Variants in PCDHA10 observed in about 807,000 individuals in gnomAD.
The protein encoded by PCDHA10 is protocadherin alpha 10.
In PCDHA10, 45 loss-of-function variants were observed where a neutral mutation model predicts 61.2. The ratio of observed to expected loss-of-function variants is 0.74; its 90% confidence interval spans 0.58 to 0.94. PCDHA10 has a LOEUF of 0.94. Ranked by LOEUF, PCDHA10 falls within the 40% of genes least tolerant of loss-of-function variation. The pLI, the probability that PCDHA10 is intolerant of heterozygous loss-of-function variation, is 0.00. For missense variants in PCDHA10, 1,278 were observed against 1,236.2 expected (o/e 1.03, Z -0.51); for synonymous variants, 602 against 548.8 (o/e 1.10, Z -1.35).
chr5:140,901,139 A>G (rs1186725760), intron 1 of PCDHA10, among the ~76,000 whole-genome samples: 1 of 151,726 alleles, frequency 6.6e-6, no homozygotes, highest in Non-Finnish European at 1.5e-5. Context: ...GATTGTAAAT[A>G]TTTTCTCTCA....
chr5:140,860,028 C>A (rs2046140974), intron 1 of PCDHA10: 1 of 151,914 alleles, frequency 6.6e-6, no homozygotes, highest in South Asian at 2.1e-4. Context: ...GTGGCTCACA[C>A]CTGTAATCCC....
At chr5:141,005,311 A>C (rs2098206135) in intron 3 of PCDHA10, among the ~76,000 whole-genome samples, 6 of 152,310 alleles carry the variant, frequency 3.9e-5, no homozygotes, top group Middle Eastern at 6.8e-3. Flanking sequence ...TGAATCTTAC[A>C]GTGGTAGAGA....
Position 140,938,107 on chromosome 5 carries a change from T to C in PCDHA10, c.2389-40842T>C, listed in dbSNP as rs73266057. On this transcript the variant is annotated intron_variant, in intron 1 of 3. Coordinates refer to ENST00000307360, the MANE Select transcript of PCDHA10 (RefSeq NM_018901.4). ...TAGTTTTATTATTGTATTTTTTACT[T>C]TCTCTCTTTTTTTAAAAAAATAGAG... is the stretch of plus-strand genomic sequence containing the variant. 3.3e-3 allele frequency among the ~76,000 whole-genome samples: 502 copies of C among 152,318 alleles called. 3 individuals carry two copies. Among genetic ancestry groups the C allele is most frequent in the African/African-American group, 0.012 (483 of 41,576 alleles).
chr5:140,869,973 C>G, intron 1 of PCDHA10: 2 of 1,613,100 alleles, frequency 1.2e-6, no homozygotes, highest in African/African-American at 1.3e-5. Flanking sequence ...ATGGAAGACA[C>G]TTATTTACAC....
intron 3 of PCDHA10, among the ~76,000 whole-genome samples, chr5:141,002,660 T>C (rs1366913026): frequency 1.3e-5 from 2 of 152,170 alleles, no homozygotes; most frequent in Admixed American, 1.3e-4. Context: ...AGGGCTCTTG[T>C]CAGGACCAAA....
At chr5:140,946,871 A>G (rs952595827) in intron 1 of PCDHA10, among the ~76,000 whole-genome samples, 8 of 151,442 alleles carry the variant, frequency 5.3e-5, no homozygotes, top group Non-Finnish European at 8.9e-5. Flanking sequence ...AGGTTGGTCA[A>G]TGGGTACGAA....
At chr5:140,975,068 C>G (rs1273763502) in intron 1 of PCDHA10, among the ~76,000 whole-genome samples, 2 of 152,134 alleles carry the variant, frequency 1.3e-5, no homozygotes, top group Non-Finnish European at 2.9e-5. Context: ...CGAGCTCATT[C>G]AGATTGTTGG....
At chr5:140,882,279 C>A (rs1456228410) in intron 1 of PCDHA10, 1 of 1,612,386 alleles carries the variant, frequency 6.2e-7, no homozygotes, top group Non-Finnish European at 8.5e-7. Context: ...ATGCTGTCTT[C>A]CTGGCAAGGA....
chr5:140,970,270 T>C (rs2096394574), intron 1 of PCDHA10, among the ~76,000 whole-genome samples: 1 of 152,234 alleles, frequency 6.6e-6, no homozygotes, highest in Non-Finnish European at 1.5e-5. Context: ...TTTGATGAGA[T>C]GTAAAGTAGC....
At chr5:140,876,793 G>A (rs782321220) in intron 1 of PCDHA10, 2 of 1,614,240 alleles carry the variant, frequency 1.2e-6, no homozygotes, top group Non-Finnish European at 1.7e-6. Context: ...CACGGCTAGA[G>A]TGTCCGTGGA....
intron 1 of PCDHA10, among the ~76,000 whole-genome samples, chr5:140,885,718 C>T (rs2060696401): frequency 6.6e-6 from 1 of 152,124 alleles, no homozygotes; most frequent in South Asian, 2.1e-4. Flanking sequence ...CTAATGTGAT[C>T]TCTGTGAAAT....
chr5:140,876,653 C>T (rs781890773), intron 1 of PCDHA10: 8 of 1,614,082 alleles, frequency 5.0e-6, no homozygotes, highest in Non-Finnish European at 6.8e-6. Context: ...CCTCATGTTC[C>T]CTTCAAGCTG....
At chr5:140,920,474 GT>G (rs1407391996) in intron 1 of PCDHA10, among the ~76,000 whole-genome samples, 1 of 152,008 alleles carries the variant, frequency 6.6e-6, no homozygotes, top group Non-Finnish European at 1.5e-5. Flanking sequence ...ATTTCTGTAT[GT>G]TTTTGGTCCA....
chr5:140,899,848 C>T (rs2067590475), intron 1 of PCDHA10, among the ~76,000 whole-genome samples: 1 of 152,178 alleles, frequency 6.6e-6, no homozygotes, highest in Non-Finnish European at 1.5e-5. Flanking sequence ...TGCTGTGTCA[C>T]CCAGGCTGGA....
In PCDHA10 at chr5:140,989,027, CATT is replaced by C. The variant is rs1413017003; in HGVS notation, c.2536+6465_2536+6467del. The C allele has an allele frequency of 1.4e-4, 22 of 152,178 alleles. 1 individual carries two copies. The highest frequency in any genetic ancestry group is 1.4e-3 in the Admixed American group (22 of 15,274). The allele number at this position is 152,178 out of a possible 1,614,324, so 9.4% of individuals were successfully genotyped here. A position where few individuals can be genotyped will look rare whatever the true frequency, so the allele number is the denominator to read the frequency against. ...GACTTATTATAGTTTCTTCAGTTAT[CATT>C]GATTCCTTTAATATGCCAGCTACAT... On this transcript the variant is annotated intron_variant, in intron 3 of 3. Transcript: ENST00000307360.
chr5:140,967,665 C>A, intron 1 of PCDHA10: 1 of 1,614,154 alleles, frequency 6.2e-7, no homozygotes, highest in Non-Finnish European at 8.5e-7. Context: ...AGCAGCTACA[C>A]GTCGGACCGG....
chr5:140,967,903 A>G, intron 1 of PCDHA10: 1 of 1,614,112 alleles, frequency 6.2e-7, no homozygotes, highest in African/African-American at 1.3e-5. Context: ...AGAATGCTAC[A>G]CCCAACACCA....
intron 1 of PCDHA10, among the ~76,000 whole-genome samples, chr5:140,879,606 G>A (rs1554170878): frequency 6.6e-6 from 1 of 152,196 alleles, no homozygotes; most frequent in Non-Finnish European, 1.5e-5. Context: ...AAAACAATGT[G>A]TCCAGGTACT....
chr5:140,862,881 T>C, intron 1 of PCDHA10: 3 of 564,618 alleles, frequency 5.3e-6, no homozygotes, highest in Non-Finnish European at 1.0e-5. Context: ...GTATTAGTGC[T>C]GGAACGACAA....
Sources: gnomAD v4.1 joint callset for allele counts (sites outside exome capture counted in the v4.1 genomes callset) on GRCh38, gnomAD v4.1.1 for gene constraint, MANE v1.5 for transcripts, NCBI Gene and HGNC (gene_info 2026-07-23, HGNC 2026-07-21) for gene names.